The following FBXO16 variants were observed in gnomAD, a reference collection of about 807,000 sequenced individuals.
FBXO16 encodes the protein F-box only protein 16.
In FBXO16, 31 loss-of-function variants were observed where a neutral mutation model predicts 41.0. That is an observed-to-expected ratio of 0.76 (90% CI 0.57 to 1.02). FBXO16 has a LOEUF of 1.02. FBXO16 is among the 50% of genes least tolerant of loss of function. FBXO16 has a pLI of 0.00. For missense variants in FBXO16, 361 were observed against 346.2 expected, an observed-to-expected ratio of 1.04 and a Z score of -0.34; for synonymous variants, 133 against 117.8, an observed-to-expected ratio of 1.13 and a Z score of -0.84.
chr8:28,441,910 A>ATATGTG (rs1325591171), intron 7 of FBXO16, among the ~76,000 whole-genome samples: 13 of 107,894 alleles, frequency 1.2e-4, no homozygotes, highest in African/African-American at 4.6e-4. Context: ...GTATATATAT[A>ATATGTG]TGTGTGTGTG....
intron 2 of FBXO16, among the ~76,000 whole-genome samples, chr8:28,480,927 G>A (rs978075041): frequency 1.3e-5 from 2 of 152,198 alleles, no homozygotes; most frequent in African/African-American, 4.8e-5. Flanking sequence ...AGTGATGAGA[G>A]CAAAGAAAAG....
intron 2 of FBXO16, among the ~76,000 whole-genome samples, chr8:28,479,974 G>A (rs997707566): frequency 1.8e-4 from 27 of 151,154 alleles, no homozygotes; most frequent in Admixed American, 1.2e-3. Flanking sequence ...GGCCTCAAGC[G>A]ATCCACCGGC....
intron 2 of FBXO16, among the ~76,000 whole-genome samples, chr8:28,479,371 A>G (rs1237386599): frequency 6.6e-6 from 1 of 152,144 alleles, no homozygotes; most frequent in Non-Finnish European, 1.5e-5. Flanking sequence ...TCTACATGCT[A>G]ATCTCCGAAT....
chr8:28,467,599 G>A (rs1417315648), intron 3 of FBXO16, among the ~76,000 whole-genome samples: 12 of 152,154 alleles, frequency 7.9e-5, no homozygotes, highest in Non-Finnish European at 1.2e-4. Context: ...AAAGATGTGC[G>A]CATAAAATTA....
intron 7 of FBXO16, among the ~76,000 whole-genome samples, chr8:28,444,243 C>CTGACTGGA (rs1455779075): frequency 6.6e-6 from 1 of 151,996 alleles, no homozygotes; most frequent in Admixed American, 6.6e-5. Flanking sequence ...CTTTGTTCCC[C>CTGACTGGA]TGACTGGATT....
chr8:28,478,841 AAT>A (rs1803464408), intron 2 of FBXO16, among the ~76,000 whole-genome samples: 2 of 141,796 alleles, frequency 1.4e-5, no homozygotes, highest in South Asian at 2.2e-4. Context: ...AAAAAAAAAA[AAT>A]TGTAATCCCC....
At chr8:28,432,883 C>A (rs1008435738) in intron 7 of FBXO16, among the ~76,000 whole-genome samples, 7 of 152,000 alleles carry the variant, frequency 4.6e-5, no homozygotes, top group Non-Finnish European at 7.4e-5. Context: ...ATGGTGAAAC[C>A]CCATCTCTAC....
chr8:28,483,984 T>C (rs1309531033), intron 1 of FBXO16, among the ~76,000 whole-genome samples: 3 of 152,166 alleles, frequency 2.0e-5, no homozygotes, highest in Non-Finnish European at 2.9e-5. Flanking sequence ...GGTGAGGTGG[T>C]GGGTTTTAAC....
chr8:28,475,545 T>C (rs1031066552), intron 2 of FBXO16, among the ~76,000 whole-genome samples: 3 of 152,234 alleles, frequency 2.0e-5, no homozygotes, highest in African/African-American at 7.2e-5. Context: ...GTCTGAATTC[T>C]TCTCTATCAA....
At chr8:28,449,538 G>T (rs186007873) in intron 6 of FBXO16, among the ~76,000 whole-genome samples, 10 of 151,936 alleles carry the variant, frequency 6.6e-5, no homozygotes, top group Non-Finnish European at 1.3e-4. Context: ...GCCCAGACTG[G>T]TCTCAAACTC....
intron 7 of FBXO16, among the ~76,000 whole-genome samples, chr8:28,432,834 A>T (rs1802627958): frequency 1.3e-5 from 2 of 152,176 alleles, no homozygotes; most frequent in African/African-American, 4.8e-5. Context: ...AGGCGGGTGG[A>T]TCACCTAAGG....
At chr8:28,433,000 G>A (rs759492991) in intron 7 of FBXO16, among the ~76,000 whole-genome samples, 4 of 151,764 alleles carry the variant, frequency 2.6e-5, no homozygotes, top group Non-Finnish European at 5.9e-5. Flanking sequence ...GGCGGAGGTT[G>A]CAGTGAGCCG....
At chr8:28,460,960 T>C (rs562093429) in intron 4 of FBXO16, among the ~76,000 whole-genome samples, 7 of 152,216 alleles carry the variant, frequency 4.6e-5, no homozygotes, top group Admixed American at 2.0e-4. Context: ...AGTCTCAAAC[T>C]CTTGGCCTCA....
chr8:28,431,313 C>T (rs1009892330), intron 7 of FBXO16, among the ~76,000 whole-genome samples: 1 of 152,164 alleles, frequency 6.6e-6, no homozygotes, highest in African/African-American at 2.4e-5. Context: ...TGGTCTCCTT[C>T]GGCCACCATT....
At chr8:28,483,965 C>CAATT (rs2130204894) in intron 1 of FBXO16, among the ~76,000 whole-genome samples, 1 of 152,280 alleles carries the variant, frequency 6.6e-6, no homozygotes, top group East Asian at 1.9e-4. Context: ...TGGAAGTGCA[C>CAATT]AATTACCTGG....
Position 28,438,762 on chromosome 8 carries a change from T to C in FBXO16, c.843+8409A>G, listed in dbSNP as rs80255843. Among the ~76,000 whole-genome samples, 339 of 152,252 alleles carry C rather than the reference T, an allele frequency of 2.2e-3. 2 individuals are homozygous for C. The East Asian group carries it at 0.031, about 14-fold the overall frequency. On this transcript the variant is annotated intron_variant, in intron 7 of 8. Transcript: ENST00000380254. ...CCAGACTACTAAAATAGTGGTACGA[T>C]GGGCATTGAACTTAGGCTATTTGCA...
At chr8:28,479,982 G>A (rs995384178) in intron 2 of FBXO16, among the ~76,000 whole-genome samples, 3 of 151,408 alleles carry the variant, frequency 2.0e-5, no homozygotes, top group East Asian at 1.9e-4. Flanking sequence ...GCGATCCACC[G>A]GCCTCACCCT....
intron 4 of FBXO16, among the ~76,000 whole-genome samples, chr8:28,462,480 G>T (rs559781974): frequency 3.4e-4 from 51 of 151,374 alleles, no homozygotes; most frequent in Non-Finnish European, 6.6e-4. Flanking sequence ...GGGTTTCACT[G>T]TGTTAGCCAG....
intron 7 of FBXO16, among the ~76,000 whole-genome samples, chr8:28,442,356 T>G (rs1016409270): frequency 1.3e-5 from 2 of 151,996 alleles, no homozygotes; most frequent in Non-Finnish European, 2.9e-5. Context: ...CTGTAAAGGA[T>G]TAGCAATCAG....
Sources: allele counts gnomAD v4.1 joint callset (sites outside exome capture counted in the v4.1 genomes callset), GRCh38; gene constraint gnomAD v4.1.1; transcripts MANE v1.5; gene names NCBI Gene and HGNC (gene_info 2026-07-23, HGNC 2026-07-21).